Variants in ANO4 observed in about 807,000 individuals in gnomAD.
ANO4 encodes anoctamin-4.
ANO4 carries 69 observed loss-of-function variants against 141.9 expected under a neutral mutation model. The ratio of observed to expected loss-of-function variants is 0.49; its 90% CI spans 0.40 to 0.59. The LOEUF (loss-of-function observed/expected upper bound fraction) is 0.59, where lower values mean the gene tolerates loss of function less well. ANO4 is among the 20% of genes least tolerant of loss of function. ANO4 has a pLI of 0.00. For synonymous variants in ANO4, 350 were observed against 394.3 expected (o/e 0.89, Z 1.33); for missense variants, 894 against 1,162.2 (o/e 0.77, Z 3.36).
At chr12:101,005,231 C>T (rs2045822999) in intron 8 of ANO4, among the ~76,000 whole-genome samples, 1 of 152,130 alleles carries the variant, frequency 6.6e-6, no homozygotes, top group South Asian at 2.1e-4. Flanking sequence ...GAGAGCTTAG[C>T]TTATTCTAAA....
chr12:100,897,135 G>C (rs1220002176), intron 1 of ANO4, among the ~76,000 whole-genome samples: 1 of 152,172 alleles, frequency 6.6e-6, no homozygotes, highest in Non-Finnish European at 1.5e-5. Context: ...GTTTCCCAAG[G>C]TTCTGACTTT....
intron 9 of ANO4, among the ~76,000 whole-genome samples, chr12:101,031,894 C>T (rs1194271823): frequency 6.6e-6 from 1 of 152,108 alleles, no homozygotes; most frequent in East Asian, 1.9e-4. Context: ...AAGACTTCTT[C>T]AAGGATAACT....
intron 14 of ANO4, among the ~76,000 whole-genome samples, chr12:101,054,699 A>G (rs370800849): frequency 3.3e-5 from 5 of 152,110 alleles, no homozygotes; most frequent in African/African-American, 1.2e-4. Context: ...ACGGGGTTTC[A>G]CTGTGTTAGC....
chr12:101,122,547 A>G (rs373499485), intron 26 of ANO4, among the ~76,000 whole-genome samples: 15 of 152,072 alleles, frequency 9.9e-5, no homozygotes, highest in East Asian at 3.8e-4. Flanking sequence ...ATTCATCTTG[A>G]GTTAAATTTT....
chr12:100,838,710 C>T (rs1230925324), intron 1 of ANO4, among the ~76,000 whole-genome samples: 3 of 151,938 alleles, frequency 2.0e-5, no homozygotes, highest in African/African-American at 7.3e-5. Flanking sequence ...CAAAGGAGTT[C>T]GATGTTTTAG....
chr12:100,870,722 T>C (rs367697499), intron 1 of ANO4, among the ~76,000 whole-genome samples: 16 of 152,274 alleles, frequency 1.1e-4, no homozygotes, highest in African/African-American at 3.4e-4. Flanking sequence ...TGATCTATAG[T>C]CCAGGAAATC....
In ANO4 at chr12:101,007,226, G is replaced by A. The variant is rs112074648; in HGVS notation, c.735-12808G>A. Among the ~76,000 whole-genome samples, 752 of 152,258 alleles carry A rather than the reference G, an allele frequency of 4.9e-3. 5 individuals carry two copies. Among genetic ancestry groups the A allele is most frequent in the Middle Eastern group, 0.014 (4 of 294 alleles). On this transcript the variant is annotated intron_variant, in intron 8 of 27. Transcript: ENST00000392977. The stretch of plus-strand genomic sequence containing the variant: ...AAATTAGCTGGGTGTGATGGCATGC[G>A]CCTGTAGGCCTAGCTACTTGGGAGA...
At chr12:100,912,701 T>G (rs563988682) in intron 2 of ANO4, among the ~76,000 whole-genome samples, 1 of 152,296 alleles carries the variant, frequency 6.6e-6, no homozygotes, top group East Asian at 1.9e-4. Flanking sequence ...GCTTATAGGA[T>G]CTAAGGAACC....
chr12:100,969,860 T>C (rs946433699), intron 5 of ANO4, among the ~76,000 whole-genome samples: 3 of 152,244 alleles, frequency 2.0e-5, no homozygotes, highest in African/African-American at 7.2e-5. Flanking sequence ...TTGGCCACTT[T>C]ACTAATTTAA....
chr12:101,120,272 C>T (rs1187697201), intron 25 of ANO4, among the ~76,000 whole-genome samples: 1 of 152,140 alleles, frequency 6.6e-6, no homozygotes, highest in Non-Finnish European at 1.5e-5. Context: ...TCAGGTCTGG[C>T]TCATCTTTTG....
At chr12:100,911,192 C>T (rs1360830056) in intron 2 of ANO4, among the ~76,000 whole-genome samples, 1 of 152,164 alleles carries the variant, frequency 6.6e-6, no homozygotes, top group Non-Finnish European at 1.5e-5. Context: ...TATTCTCATG[C>T]TATTTTCCTT....
intron 1 of ANO4, among the ~76,000 whole-genome samples, chr12:100,861,700 C>G (rs750294118): frequency 1.2e-4 from 18 of 152,130 alleles, no homozygotes; most frequent in Non-Finnish European, 1.5e-4. Context: ...TTAGCTTACT[C>G]TTTTTGCTGT....
intron 22 of ANO4, among the ~76,000 whole-genome samples, chr12:101,106,622 C>T (rs964891634): frequency 1.3e-5 from 2 of 148,368 alleles, no homozygotes; most frequent in African/African-American, 5.0e-5. Flanking sequence ...GCATGCAAAA[C>T]TCATGTCAGC....
chr12:100,891,574 C>G (rs2040107950), intron 1 of ANO4, among the ~76,000 whole-genome samples: 5 of 152,018 alleles, frequency 3.3e-5, no homozygotes, highest in Admixed American at 3.3e-4. Flanking sequence ...CCAATGACAT[C>G]TACATTATTT....
chr12:100,905,943 C>A (rs781070827), intron 2 of ANO4, among the ~76,000 whole-genome samples: 2 of 151,982 alleles, frequency 1.3e-5, no homozygotes, highest in Non-Finnish European at 1.5e-5. Context: ...TCAGCTTTAT[C>A]TTTAATGTGA....
At position 101,103,497 on chromosome 12, in the gene ANO4, A is replaced by AT. The variant is rs577261892; in HGVS notation, c.2149+3783dup. ...CTGAATCTATTGAAATGATTATGTG[A>AT]TTTTTTAAAAAATTTTACTAATGTG... On this transcript the variant is annotated intron_variant, in intron 22 of 27. Coordinates refer to ENST00000392977, the MANE Select transcript of ANO4 (RefSeq NM_001286615.2). 3.2e-3 allele frequency among the ~76,000 whole-genome samples: 478 copies of AT among 151,590 alleles called. 1 individual carries two copies. The highest frequency in any genetic ancestry group is 4.9e-3 in the Non-Finnish European group (335 of 67,688).
chr12:101,083,963 A>G, intron 16 of ANO4, 145 bp downstream of exon 16: 1 of 802,130 alleles, frequency 1.2e-6, no homozygotes, highest in Non-Finnish European at 1.8e-6. Flanking sequence ...TCTGGTGGTC[A>G]GGGATGGTAT....
chr12:100,750,762 G>T (rs764371295), intron 3 of ANO4, among the ~76,000 whole-genome samples: 2 of 152,110 alleles, frequency 1.3e-5, no homozygotes, highest in Admixed American at 1.3e-4. Flanking sequence ...GTGTCCAAAC[G>T]TTTCCACAGA....
chr12:100,922,942 G>A (rs1355158382), intron 3 of ANO4, among the ~76,000 whole-genome samples: 1 of 152,068 alleles, frequency 6.6e-6, no homozygotes, highest in Admixed American at 6.6e-5. Flanking sequence ...TTGAGGATGG[G>A]TGATGCGGTG....
Sources: gnomAD v4.1 joint callset for allele counts (sites outside exome capture counted in the v4.1 genomes callset) on GRCh38, gnomAD v4.1.1 for gene constraint, MANE v1.5 for transcripts, NCBI Gene and HGNC (gene_info 2026-07-23, HGNC 2026-07-21) for gene names.